Variants in FSTL5 observed in about 807,000 individuals in gnomAD.
FSTL5 encodes the protein follistatin-related protein 5.
Under a neutral mutation model 89.1 loss-of-function variants are expected in FSTL5, and 62 were observed. The observed-to-expected ratio is 0.70, with a 90% confidence interval of 0.57 to 0.86. The LOEUF (loss-of-function observed/expected upper bound fraction) is 0.86. Ranked by LOEUF, FSTL5 falls within the 40% of genes least tolerant of loss-of-function variation. FSTL5 has a pLI of 0.00. For missense variants in FSTL5, 1,057 were observed against 1,001.6 expected, an observed-to-expected ratio of 1.06 and a Z score of -0.75; for synonymous variants, 383 against 346.2, an observed-to-expected ratio of 1.11 and a Z score of -1.18.
chr4:161,410,293 C>T (rs1731542529), intron 15 of FSTL5, among the ~76,000 whole-genome samples: 1 of 152,106 alleles, frequency 6.6e-6, no homozygotes, highest in Non-Finnish European at 1.5e-5. Context: ...GACTTGAACA[C>T]CCCACTGACA....
chr4:161,532,729 G>A (rs1335423035), intron 10 of FSTL5, among the ~76,000 whole-genome samples: 1 of 152,082 alleles, frequency 6.6e-6, no homozygotes, highest in African/African-American at 2.4e-5. Context: ...ATTGACACCT[G>A]ACCAATGGGA....
At chr4:161,417,359 G>T (rs879805027) in intron 15 of FSTL5, among the ~76,000 whole-genome samples, 1 of 152,032 alleles carries the variant, frequency 6.6e-6, no homozygotes, top group South Asian at 2.1e-4. Flanking sequence ...TTTTAATCAC[G>T]CCATTCATAA....
At chr4:161,440,461 C>T (rs1431725549) in intron 15 of FSTL5, among the ~76,000 whole-genome samples, 1 of 152,018 alleles carries the variant, frequency 6.6e-6, no homozygotes, top group African/African-American at 2.4e-5. Context: ...ATATCTCCCA[C>T]AACAGATAAG....
At chr4:161,437,565 CAAAAA>C (rs56229701) in intron 15 of FSTL5, among the ~76,000 whole-genome samples, 7 of 68,542 alleles carry the variant, frequency 1.0e-4, no homozygotes, top group Admixed American at 1.8e-4. Context: ...GACTCCGTCT[CAAAAA>C]AAAAAAAAAA....
chr4:162,151,610 T>C (rs1027182715), intron 1 of FSTL5, among the ~76,000 whole-genome samples: 3 of 152,166 alleles, frequency 2.0e-5, no homozygotes, highest in African/African-American at 7.2e-5. Flanking sequence ...CATTCTATTT[T>C]CTGGATCAAG....
chr4:161,969,239 G>A (rs975928319), intron 3 of FSTL5, among the ~76,000 whole-genome samples: 2 of 151,898 alleles, frequency 1.3e-5, no homozygotes, highest in African/African-American at 2.4e-5. Flanking sequence ...AGACAAGTAC[G>A]TTTAATTCAT....
In FSTL5 at chr4:161,759,462, C is replaced by A. The variant is rs1317614479; in HGVS notation, c.676G>T (p.Asp226Tyr). Reference protein sequence around the residue: ...CTLYVLLKYDDFNADKHLALE... With the variant: ...CTLYVLLKYDYFNADKHLALE... ...GCCAGGTGCTTGTCAGCATTAAAATCATCATATTTCAATAGAACATACAAA... is the reference window on the plus strand; with the variant it reads ...GCCAGGTGCTTGTCAGCATTAAAATAATCATATTTCAATAGAACATACAAA... Residue 226 changes from aspartate to tyrosine, a missense_variant, in exon 6 of 16, where the codon GAT becomes TAT. By Grantham distance (160) the Asp-to-Tyr change is radical. Coordinates refer to ENST00000306100, the MANE Select transcript of FSTL5 (RefSeq NM_020116.5). 6 of 1,596,120 alleles carry A rather than the reference C, an allele frequency of 3.8e-6. No individual in the cohort carries two copies. Among genetic ancestry groups the A allele is most frequent in the African/African-American group, 2.7e-5 (2 of 73,978 alleles).
chr4:161,886,377 C>T (rs1732807023), intron 4 of FSTL5, among the ~76,000 whole-genome samples: 1 of 152,318 alleles, frequency 6.6e-6, no homozygotes, highest in Admixed American at 6.5e-5. Context: ...TACATAACAT[C>T]ATTCTCTAAA....
intron 6 of FSTL5, among the ~76,000 whole-genome samples, chr4:161,719,336 T>C (rs1739110730): frequency 6.6e-6 from 1 of 152,204 alleles, no homozygotes; most frequent in Non-Finnish European, 1.5e-5. Context: ...ACTGTTTTGA[T>C]TACTGTAGCT....
intron 7 of FSTL5, among the ~76,000 whole-genome samples, chr4:161,635,002 T>C (rs1735637293): frequency 6.6e-6 from 1 of 152,020 alleles, no homozygotes; most frequent in Non-Finnish European, 1.5e-5. Flanking sequence ...AAATGTATAC[T>C]ACAATTTTTA....
intron 4 of FSTL5, among the ~76,000 whole-genome samples, chr4:161,910,306 T>C (rs749655854): frequency 1.3e-5 from 2 of 152,158 alleles, no homozygotes; most frequent in Non-Finnish European, 2.9e-5. Flanking sequence ...GCACTCATTC[T>C]TCACTTCATC....
Position 162,100,519 on chromosome 4 carries a change from G to A in FSTL5, c.126+10752C>T, listed in dbSNP as rs570705655. Reference sequence around the variant, plus strand: ...CAACTATATGATGTTTGGTGAAAACGAAAGATGAAGAGGCAAAGCACAGAT... The same window carrying A: ...CAACTATATGATGTTTGGTGAAAACAAAAGATGAAGAGGCAAAGCACAGAT... On this transcript the variant is annotated intron_variant, in intron 2 of 15. Coordinates refer to ENST00000306100, the MANE Select transcript of FSTL5 (RefSeq NM_020116.5). 3.4e-4 allele frequency among the ~76,000 whole-genome samples: 52 copies of A among 152,266 alleles called. 1 individual carries two copies. The South Asian group carries it at 0.01, about 30-fold the overall frequency.
intron 7 of FSTL5, among the ~76,000 whole-genome samples, chr4:161,636,247 T>C (rs1250602353): frequency 6.6e-6 from 1 of 152,166 alleles, no homozygotes; most frequent in Non-Finnish European, 1.5e-5. Flanking sequence ...TGGATACTAT[T>C]AAAGAACATA....
chr4:161,429,157 T>A (rs1007917290), intron 15 of FSTL5, among the ~76,000 whole-genome samples: 1 of 151,504 alleles, frequency 6.6e-6, no homozygotes. Flanking sequence ...AGGGCTTTTT[T>A]GTGTGTGTGT....
At chr4:161,714,828 AT>A (rs200586230) in intron 6 of FSTL5, among the ~76,000 whole-genome samples, 1 of 152,036 alleles carries the variant, frequency 6.6e-6, no homozygotes, top group African/African-American at 2.4e-5. Flanking sequence ...ATTAATTGAG[AT>A]TTTTTTCATA....
chr4:161,729,721 TACAACTATTC>T (rs549112483), intron 6 of FSTL5, among the ~76,000 whole-genome samples: 317 of 152,346 alleles, frequency 2.1e-3, no homozygotes, highest in Middle Eastern at 0.014. Context: ...CCCTTCTGTG[TACAACTATTC>T]ATTGACTTCC....
chr4:162,058,637 CA>C (rs1177737076), intron 2 of FSTL5, among the ~76,000 whole-genome samples: 1 of 151,848 alleles, frequency 6.6e-6, no homozygotes, highest in East Asian at 1.9e-4. Context: ...CCATGTTGGC[CA>C]GGCTGGTTTC....
intron 2 of FSTL5, among the ~76,000 whole-genome samples, chr4:162,057,749 G>A (rs774748769): frequency 5.9e-5 from 9 of 152,008 alleles, no homozygotes; most frequent in Admixed American, 1.3e-4. Flanking sequence ...TTGGAGACCA[G>A]CCTGGCCAAC....
At chr4:161,388,280 T>C (rs1730713224) in intron 15 of FSTL5, 1 of 152,078 alleles carries the variant, frequency 6.6e-6, no homozygotes, top group Non-Finnish European at 1.5e-5. Context: ...GCTCATACCA[T>C]ACCCATTCAG....
Sources: allele counts gnomAD v4.1 joint callset (sites outside exome capture counted in the v4.1 genomes callset), GRCh38; gene constraint gnomAD v4.1.1; transcripts MANE v1.5; gene names NCBI Gene and HGNC (gene_info 2026-07-23, HGNC 2026-07-21).